KLF9: variants seen among roughly 807,000 people sequenced by gnomAD.
The protein encoded by KLF9 is KLF transcription factor 9, also known as Krueppel-like factor 9.
KLF9 carries 2 observed loss-of-function variants against 17.3 expected under a neutral mutation model. The ratio of observed to expected loss-of-function variants is 0.12; its 90% confidence interval spans 0.05 to 0.36. KLF9 has a LOEUF of 0.36. Among genes scored for constraint, KLF9 ranks in the 10% least tolerant of loss-of-function variants. The probability of loss-of-function intolerance (pLI) is 1.00; values close to 1 mark genes in which losing one functional copy is unlikely to be tolerated. For missense variants in KLF9, 226 were observed against 333.2 expected (o/e 0.68, Z 2.51); for synonymous variants, 138 against 139.2 (o/e 0.99, Z 0.06).
At chr9:70,410,036 T>C (rs1055616412) in intron 1 of KLF9, among the ~76,000 whole-genome samples, 8 of 152,322 alleles carry the variant, frequency 5.3e-5, no homozygotes, top group African/African-American at 1.9e-4. Context: ...TTGAGGATAG[T>C]AGCCCTACCT....
intron 1 of KLF9, among the ~76,000 whole-genome samples, chr9:70,396,207 T>C (rs2037181070): frequency 6.6e-6 from 1 of 152,168 alleles, no homozygotes; most frequent in Admixed American, 6.6e-5. Context: ...CTCCTGCAGA[T>C]TATTTTTGGC....
Position 70,387,901 on chromosome 9 carries a change from G to A in KLF9, c.610C>T (p.Arg204Cys), listed in dbSNP as rs750014758. ...YRTHTGEKQF[R>C]CPLCEKRFMR... Reference sequence around the variant, plus strand: ...AAGCGCTTCTCACACAGCGGACAGCGGAACTGCTTTTCCCCAGTGTGGGTC... The same window carrying A: ...AAGCGCTTCTCACACAGCGGACAGCAGAACTGCTTTTCCCCAGTGTGGGTC... Residue 204 changes from arginine to cysteine, a missense_variant, in exon 2 of 2, where the codon CGC becomes TGC. Transcript: ENST00000377126. 1.7e-5 allele frequency: 28 copies of A among 1,614,138 alleles called. No homozygotes were observed. Among genetic ancestry groups the A allele is most frequent in the Non-Finnish European group, 2.2e-5 (26 of 1,180,028 alleles).
chr9:70,409,133 T>TAC (rs1199211559), intron 1 of KLF9, among the ~76,000 whole-genome samples: 5 of 64,396 alleles, frequency 7.8e-5, no homozygotes, highest in Admixed American at 2.2e-4. Flanking sequence ...TATATATGTA[T>TAC]ACATATATAT....
intron 1 of KLF9, among the ~76,000 whole-genome samples, chr9:70,394,298 TACAC>T (rs61688107): frequency 2.0e-5 from 3 of 150,302 alleles, no homozygotes; most frequent in African/African-American, 7.3e-5. Flanking sequence ...TAACAGCTCA[TACAC>T]ACACACACAC....
chr9:70,385,571 C>T lies in KLF9; in HGVS notation c.*2205G>A, dbSNP rs2037104543. ...TTGCTTTGCTTTCTTTCGTTTCTTT[C>T]TGTGAGGGAAAGATGACTTTTTACA... is the stretch of plus-strand genomic sequence containing the variant. On this transcript the variant is annotated 3_prime_UTR_variant, in exon 2 of 2. Transcript: ENST00000377126. 1 of 152,564 alleles carries T rather than the reference C, an allele frequency of 6.6e-6. No homozygotes were observed. The highest frequency in any genetic ancestry group is 1.5e-5 in the Non-Finnish European group (1 of 68,036). 9.5% of individuals were successfully genotyped at this position (152,564 alleles called of 1,614,324 possible).
Position 70,413,376 on chromosome 9 carries a change from G to T in KLF9, c.-13C>A. The T allele has an allele frequency of 6.7e-7, 1 of 1,488,140 alleles. No homozygotes were observed. The highest frequency in any genetic ancestry group is 8.9e-7 in the Non-Finnish European group (1 of 1,121,030). 92.2% of individuals were successfully genotyped at this position (1,488,140 alleles called of 1,614,324 possible). A position where few individuals can be genotyped will look rare whatever the true frequency, so the allele number is the denominator to read the frequency against. Reference sequence around the variant, plus strand: ...CGGCCGCGGACATGGTGCGGGCGACGGCAGCCCAGGCGGCGCGGACAAACT... The same window carrying T: ...CGGCCGCGGACATGGTGCGGGCGACTGCAGCCCAGGCGGCGCGGACAAACT... On this transcript the variant is annotated 5_prime_UTR_variant, in exon 1 of 2. Transcript: ENST00000377126. This position sits in a 1 kb window ranked among gnomAD's most constrained non-coding sequence, Gnocchi z 5.6.
At chr9:70,404,522 G>A (rs1183734434) in intron 1 of KLF9, among the ~76,000 whole-genome samples, 4 of 152,020 alleles carry the variant, frequency 2.6e-5, no homozygotes, top group African/African-American at 4.8e-5. Context: ...GGAAGTAGGC[G>A]GGGAGAGTGC....
In KLF9 at chr9:70,385,842, G is replaced by A. The variant is rs1330307252; in HGVS notation, c.*1934C>T. On this transcript the variant is annotated 3_prime_UTR_variant, in exon 2 of 2. Coordinates refer to ENST00000377126, the MANE Select transcript of KLF9 (RefSeq NM_001206.4). ...TTTATTTTTCCTGACATGTTTTCTC[G>A]TGAGAAAACACTTTCCTTTTTATCC... The A allele has an allele frequency of 2.0e-5, 3 of 152,244 alleles. No individual in the cohort carries two copies. The highest frequency in any genetic ancestry group is 4.4e-5 in the Non-Finnish European group (3 of 68,012). The allele number at this position is 152,244 out of a possible 1,614,324, so 9.4% of individuals were successfully genotyped here. A position where few individuals can be genotyped will look rare whatever the true frequency, so the allele number is the denominator to read the frequency against.
chr9:70,409,128 A>ATGTG (rs1219665852), intron 1 of KLF9, among the ~76,000 whole-genome samples: 11 of 75,794 alleles, frequency 1.5e-4, no homozygotes, highest in Admixed American at 5.3e-4. Flanking sequence ...ATATGTATAT[A>ATGTG]TGTATACATA....
intron 1 of KLF9, among the ~76,000 whole-genome samples, chr9:70,408,788 C>A (rs2037274556): frequency 6.6e-6 from 1 of 151,792 alleles, no homozygotes; most frequent in Non-Finnish European, 1.5e-5. Flanking sequence ...TAGTGATGGA[C>A]ATTCCTAGAG....
intron 1 of KLF9, among the ~76,000 whole-genome samples, chr9:70,407,419 A>T (rs2118924624): frequency 6.6e-6 from 1 of 152,286 alleles, no homozygotes; most frequent in Non-Finnish European, 1.5e-5. Context: ...CCAGGAACCC[A>T]CTTATACCCC....
Position 70,413,504 on chromosome 9 carries a change from C to T in KLF9, c.-141G>A. Reference sequence around the variant, plus strand: ...CGGCCAAGGGGGCGGGGGCGCGGGGCGCTTCCGACTCGCAGGAGCGCCGAG... The same window carrying T: ...CGGCCAAGGGGGCGGGGGCGCGGGGTGCTTCCGACTCGCAGGAGCGCCGAG... On this transcript the variant is annotated 5_prime_UTR_variant, in exon 1 of 2. Coordinates refer to ENST00000377126, the MANE Select transcript of KLF9 (RefSeq NM_001206.4). The surrounding 1 kb of genome is among the most constrained non-coding windows in gnomAD (Gnocchi z 5.6). 1 of 887,682 alleles carries T rather than the reference C, an allele frequency of 1.1e-6. No homozygotes were observed. The highest frequency in any genetic ancestry group is 1.5e-6 in the Non-Finnish European group (1 of 688,578). 55.0% of individuals were successfully genotyped at this position (887,682 alleles called of 1,614,324 possible).
At position 70,387,790 on chromosome 9, in the gene KLF9, C is replaced by G; in HGVS notation, c.721G>C (p.Ala241Pro). 1.9e-6 allele frequency: 3 copies of G among 1,613,998 alleles called. No individual in the cohort carries two copies. Among genetic ancestry groups the G allele is most frequent in the Non-Finnish European group, 2.5e-6 (3 of 1,179,988 alleles). ...SMIKRSKKAL[A>P]NAL ...CGGGCAGCACCTCACAAAGCGTTGG[C>G]CAGCGCCTTTTTCGATCGCTTGATC... The change falls in exon 2 of 2, where the codon GCC becomes CCC. Residue 241 changes from alanine (A) to proline (P), a missense_variant. By Grantham distance (27) the Ala-to-Pro change is conservative. Transcript: ENST00000377126.
intron 1 of KLF9, among the ~76,000 whole-genome samples, chr9:70,408,613 C>A (rs150051948): frequency 2.4e-4 from 37 of 152,208 alleles, no homozygotes; most frequent in African/African-American, 8.7e-4. Context: ...GCCCCACCTC[C>A]CAGGCAATGA....
chr9:70,404,836 C>A (rs943328211), intron 1 of KLF9, among the ~76,000 whole-genome samples: 1 of 151,986 alleles, frequency 6.6e-6, no homozygotes, highest in African/African-American at 2.4e-5. Flanking sequence ...GATGAGAAAC[C>A]TGAGGCTCAG....
intron 1 of KLF9, among the ~76,000 whole-genome samples, chr9:70,393,694 A>G (rs188492019): frequency 1.5e-4 from 23 of 152,356 alleles, no homozygotes; most frequent in Admixed American, 9.1e-4. Flanking sequence ...CCTCCTTTTC[A>G]GAACAGAGCT....
intron 1 of KLF9, among the ~76,000 whole-genome samples, chr9:70,396,179 G>A (rs1474229636): frequency 1.3e-5 from 2 of 152,050 alleles, no homozygotes; most frequent in East Asian, 3.9e-4. Context: ...AATTAATCCA[G>A]GGCCATCTGG....
intron 1 of KLF9, among the ~76,000 whole-genome samples, chr9:70,391,615 A>G (rs961096001): frequency 6.6e-6 from 1 of 152,216 alleles, no homozygotes; most frequent in Non-Finnish European, 1.5e-5. Flanking sequence ...GTGAGTTGCT[A>G]GTATAAAAGG....
intron 1 of KLF9, among the ~76,000 whole-genome samples, chr9:70,397,686 G>A (rs1476063487): frequency 1.3e-5 from 2 of 152,138 alleles, no homozygotes; most frequent in African/African-American, 4.8e-5. Flanking sequence ...TTAGAAAGCA[G>A]GTGAGAGGAG....
Sources: gnomAD v4.1 joint callset for allele counts (sites outside exome capture counted in the v4.1 genomes callset) on GRCh38, gnomAD v4.1.1 for gene constraint, Gnocchi (gnomAD v3.1) non-coding constraint, MANE v1.5 for transcripts, NCBI Gene and HGNC (gene_info 2026-07-23, HGNC 2026-07-21) for gene names.